ACVR1: variants seen among roughly 807,000 people sequenced by gnomAD.
ACVR1 encodes activin A receptor type 1.
ACVR1 carries 38 observed loss-of-function variants against 57.1 expected under a neutral mutation model. The observed-to-expected ratio is 0.67, with a 90% CI of 0.51 to 0.87. The LOEUF is 0.87. Among genes scored for constraint, ACVR1 ranks in the 40% least tolerant of loss-of-function variants. ACVR1 has a pLI of 0.00. For synonymous variants in ACVR1, 212 were observed against 228.1 expected, an observed-to-expected ratio of 0.93 and a Z score of 0.63; for missense variants, 463 against 638.2, an observed-to-expected ratio of 0.73 and a Z score of 2.96.
In ACVR1 at chr2:157,778,226, T is replaced by C; in HGVS notation, c.448A>G (p.Lys150Glu). 6.2e-7 allele frequency: 1 copy of C among 1,614,130 alleles called. No individual in the cohort carries two copies. Residue 150 changes from lysine (K) to glutamate (E), a missense_variant, in exon 5 of 11, where the codon AAA becomes GAA. Physicochemically the swap from Lys to Glu is moderately conservative, Grantham distance 56 (BLOSUM62 1). Coordinates refer to ENST00000434821, the MANE Select transcript of ACVR1 (RefSeq NM_001111067.4). The part of the protein sequence containing the change: ...CLLGVALRKF[K>E]RRNQERLNPR... ...TTGAGGCGTTCTTGGTTGCGCCTTT[T>C]AAATTTTCGGAGAGCAACTCCCAGC...
chr2:157,820,887 T>A (rs1688139039), intron 1 of ACVR1, among the ~76,000 whole-genome samples: 1 of 152,188 alleles, frequency 6.6e-6, no homozygotes, highest in Non-Finnish European at 1.5e-5. Context: ...ATACTTAGCA[T>A]ATACTTGGTA....
At chr2:157,768,508 C>T (rs548824151) in intron 7 of ACVR1, among the ~76,000 whole-genome samples, 25 of 152,126 alleles carry the variant, frequency 1.6e-4, no homozygotes, top group East Asian at 3.8e-4. Context: ...TAAACGAATA[C>T]ATTTTTATTA....
chr2:157,874,090 G>A (rs1325147374), intron 1 of ACVR1, among the ~76,000 whole-genome samples: 2 of 152,036 alleles, frequency 1.3e-5, no homozygotes, highest in Non-Finnish European at 2.9e-5. Flanking sequence ...GGAAAAGGAG[G>A]GCATGAACCC....
chr2:157,841,852 T>C lies in ACVR1; in HGVS notation c.-182-23293A>G, dbSNP rs183879747. On this transcript the variant is annotated intron_variant, in intron 1 of 10. Coordinates refer to ENST00000434821, the MANE Select transcript of ACVR1 (RefSeq NM_001111067.4). ...TCCTGGCTAACACAGTGAAACCCCA[T>C]CTGTATGAAAAATATTTTTAAAAAA... Among the ~76,000 whole-genome samples the C allele has an allele frequency of 7.9e-5, 12 of 151,688 alleles. No individual in the cohort carries two copies. In the South Asian group the frequency reaches 1.5e-3, roughly 18 times the overall value.
intron 9 of ACVR1, among the ~76,000 whole-genome samples, chr2:157,746,864 C>G (rs1684985948): frequency 6.6e-6 from 1 of 152,140 alleles, no homozygotes; most frequent in African/African-American, 2.4e-5. Context: ...AAGTAAATTC[C>G]AAAGGACACT....
chr2:157,759,134 G>A (rs1433228629), intron 9 of ACVR1, among the ~76,000 whole-genome samples: 1 of 151,656 alleles, frequency 6.6e-6, no homozygotes, highest in Non-Finnish European at 1.5e-5. Context: ...AATAAGAAAG[G>A]TCATAGCAAA....
chr2:157,855,590 A>G (rs1175572157), intron 1 of ACVR1, among the ~76,000 whole-genome samples: 1 of 152,106 alleles, frequency 6.6e-6, no homozygotes, highest in East Asian at 1.9e-4. Flanking sequence ...CTTCCCTAGA[A>G]GAATAACTCA....
At chr2:157,842,453 A>T (rs1293056287) in intron 1 of ACVR1, among the ~76,000 whole-genome samples, 1 of 152,200 alleles carries the variant, frequency 6.6e-6, no homozygotes, top group Non-Finnish European at 1.5e-5. Flanking sequence ...TAGGCACTGG[A>T]GGTATGACAT....
At chr2:157,796,985 T>C (rs1559062501) in intron 3 of ACVR1, among the ~76,000 whole-genome samples, 1 of 152,226 alleles carries the variant, frequency 6.6e-6, no homozygotes, top group Admixed American at 6.5e-5. Flanking sequence ...TAAAATGGTC[T>C]ATAACAGCAC....
At position 157,781,534 on chromosome 2, in the gene ACVR1, A is replaced by G. The variant is rs537134533; in HGVS notation, c.68-934T>C. On this transcript the variant is annotated intron_variant, in intron 3 of 10. Coordinates refer to ENST00000434821, the MANE Select transcript of ACVR1 (RefSeq NM_001111067.4). ...AGAATTTTTGGCTGGCAGGAAAAAA[A>G]TGGTGCCAAATATGGAGAATGAGGG... Among the ~76,000 whole-genome samples, 27 of 152,360 alleles carry G rather than the reference A, an allele frequency of 1.8e-4. 1 individual carries two copies. The highest frequency in any genetic ancestry group is 3.4e-3 in the Middle Eastern group (1 of 294).
chr2:157,783,115 CGGACAGTCCA>C (rs1350084090), intron 3 of ACVR1, among the ~76,000 whole-genome samples: 1 of 152,152 alleles, frequency 6.6e-6, no homozygotes, highest in African/African-American at 2.4e-5. Context: ...TGGTCCTAAA[CGGACAGTCCA>C]GGGAACCAAA....
At chr2:157,829,685 T>A (rs1024704886) in intron 1 of ACVR1, among the ~76,000 whole-genome samples, 13 of 152,210 alleles carry the variant, frequency 8.5e-5, no homozygotes, top group African/African-American at 3.1e-4. Flanking sequence ...TCTTTTTTCA[T>A]CTGGCAAACT....
At chr2:157,837,490 A>T (rs1013054581) in intron 1 of ACVR1, among the ~76,000 whole-genome samples, 5 of 152,230 alleles carry the variant, frequency 3.3e-5, no homozygotes, top group African/African-American at 1.2e-4. Flanking sequence ...TTTTTAAAAA[A>T]AACTTTTAAA....
rs756569495 is a variant in ACVR1 at position 157,852,688 on chromosome 2, TCA to T, written c.-183+23106_-183+23107del. Among the ~76,000 whole-genome samples the T allele has an allele frequency of 4.6e-5, 7 of 152,206 alleles. No individual in the cohort carries two copies. In the East Asian group the frequency reaches 7.7e-4, roughly 17 times the overall value. ...ATACACAAGATAGGTACCAATTTTATCACAAACATCATCTGCCATAGTTATAT... is the reference window on the plus strand; with the variant it reads ...ATACACAAGATAGGTACCAATTTTATCAAACATCATCTGCCATAGTTATAT... On this transcript the variant is annotated intron_variant, in intron 1 of 10. Transcript: ENST00000434821.
chr2:157,743,342 G>A (rs1684849237), intron 9 of ACVR1, among the ~76,000 whole-genome samples: 1 of 151,992 alleles, frequency 6.6e-6, no homozygotes, highest in Admixed American at 6.6e-5. Flanking sequence ...TCACTTTCCT[G>A]TATACCTCAA....
intron 1 of ACVR1, chr2:157,819,391 A>C (rs1157410810): frequency 6.6e-6 from 1 of 151,882 alleles, no homozygotes; most frequent in Non-Finnish European, 1.5e-5. Context: ...GAAGCAGGAG[A>C]ATCGCTTGAA....
intron 1 of ACVR1, among the ~76,000 whole-genome samples, chr2:157,843,774 T>C (rs1689046486): frequency 6.6e-6 from 1 of 152,148 alleles, no homozygotes. Context: ...GCAGTTATAT[T>C]AGGATTCATG....
Position 157,848,932 on chromosome 2 carries a change from C to G in ACVR1, c.-183+26864G>C, listed in dbSNP as rs2105362895. On this transcript the variant is annotated intron_variant, in intron 1 of 10. Coordinates refer to ENST00000434821, the MANE Select transcript of ACVR1 (RefSeq NM_001111067.4). Reference sequence around the variant, plus strand: ...ACAAAAATGAGTGTTGCTGTCATAACTACACACATTTTACAAATGAAGCAG... The same window carrying G: ...ACAAAAATGAGTGTTGCTGTCATAAGTACACACATTTTACAAATGAAGCAG... Among the ~76,000 whole-genome samples the G allele has an allele frequency of 2.6e-5, 4 of 152,108 alleles. No individual in the cohort carries two copies. The South Asian group carries it at 8.3e-4, about 32-fold the overall frequency.
At chr2:157,800,843 A>G (rs1275082983) in intron 2 of ACVR1, among the ~76,000 whole-genome samples, 2 of 152,118 alleles carry the variant, frequency 1.3e-5, no homozygotes, top group African/African-American at 2.4e-5. Flanking sequence ...ACCTTTGGAC[A>G]TGAATATGCT....
Sources: allele counts gnomAD v4.1 joint callset (sites outside exome capture counted in the v4.1 genomes callset), GRCh38; gene constraint gnomAD v4.1.1; transcripts MANE v1.5; gene names NCBI Gene and HGNC (gene_info 2026-07-23, HGNC 2026-07-21).